The following TECTA variants were observed in gnomAD, a reference collection of about 807,000 sequenced individuals.
TECTA encodes tectorin alpha.
Under a neutral mutation model 216.8 loss-of-function variants are expected in TECTA, and 128 were observed. The observed-to-expected ratio is 0.59, with a 90% confidence interval of 0.51 to 0.68. The LOEUF (loss-of-function observed/expected upper bound fraction) is 0.68. TECTA is among the 30% of genes least tolerant of loss of function. The probability of loss-of-function intolerance (pLI) is 0.00; values close to 1 mark genes in which losing one functional copy is unlikely to be tolerated. For synonymous variants in TECTA, 1,089 were observed against 1,117.1 expected (o/e 0.97, Z 0.50); for missense variants, 2,551 against 2,786.2 (o/e 0.92, Z 1.90).
intron 16 of TECTA, 54 bp from the exon 17 acceptor site, chr11:121,165,219 G>C: frequency 6.6e-7 from 1 of 1,512,264 alleles, no homozygotes. Context: ...AAAAGCTACC[G>C]CATGTAGGTG....
chr11:121,168,007 T>C (rs367589125), intron 18 of TECTA, 47 bp from the exon 19 acceptor site: 1 of 1,610,352 alleles, frequency 6.2e-7, no homozygotes, highest in Non-Finnish European at 8.5e-7. Context: ...GCAAGCTACA[T>C]ACTCACTCCC....
intron 11 of TECTA, among the ~76,000 whole-genome samples, chr11:121,143,684 C>A (rs1182552552): frequency 6.6e-6 from 1 of 152,212 alleles, no homozygotes; most frequent in African/African-American, 2.4e-5. Flanking sequence ...TGTATGAATT[C>A]TGCCTCAACA....
At chr11:121,109,003 A>T (rs1233308417) in intron 3 of TECTA, among the ~76,000 whole-genome samples, 9 of 152,240 alleles carry the variant, frequency 5.9e-5, no homozygotes, top group Admixed American at 5.2e-4. Flanking sequence ...GCTGGTTACA[A>T]ATCTAATGTG....
intron 20 of TECTA, among the ~76,000 whole-genome samples, chr11:121,171,183 G>T (rs1341988849): frequency 2.6e-5 from 4 of 152,124 alleles, no homozygotes; most frequent in Non-Finnish European, 4.4e-5. Context: ...TTTGAAGAGA[G>T]CATCCTTTCC....
rs75984112 is a variant in TECTA at position 121,151,336 on chromosome 11, A to G, written c.4106-1545A>G. The stretch of plus-strand genomic sequence containing the variant: ...ACAGATGCCCTTACTCATGAGGGCA[A>G]AGGTATACATACAGGGATGTTCACT... On this transcript the variant is annotated intron_variant, in intron 12 of 23. Coordinates refer to ENST00000392793, the MANE Select transcript of TECTA (RefSeq NM_005422.4). 2.3e-3 allele frequency among the ~76,000 whole-genome samples: 358 copies of G among 152,368 alleles called. 1 individual carries two copies. The highest frequency in any genetic ancestry group is 7.9e-3 in the African/African-American group (327 of 41,586).
chr11:121,125,503 C>T lies in TECTA; in HGVS notation c.1405C>T (p.Leu469=), dbSNP rs367896204. ...CTGTGGAAACTATAATAAAAACCCA[C>T]TGGATGACTTCCTCCGCCCGGATGG... ...GLCGNYNKNP[L]DDFLRPDGRP... The change falls in exon 8 of 24, where the codon CTG becomes TTG. Residue 469 remains leucine (L), a synonymous_variant. Coordinates refer to ENST00000392793, the MANE Select transcript of TECTA (RefSeq NM_005422.4). 6.2e-7 allele frequency: 1 copy of T among 1,614,218 alleles called. No homozygotes were observed. Among genetic ancestry groups the T allele is most frequent in the Non-Finnish European group, 8.5e-7 (1 of 1,180,046 alleles).
chr11:121,148,697 T>C (rs1287808609), intron 12 of TECTA, among the ~76,000 whole-genome samples: 1 of 152,234 alleles, frequency 6.6e-6, no homozygotes, highest in Non-Finnish European at 1.5e-5. Flanking sequence ...GGGGTTAACC[T>C]AGAACTGCCC....
At chr11:121,150,626 C>A (rs1407581517) in intron 12 of TECTA, among the ~76,000 whole-genome samples, 2 of 149,834 alleles carry the variant, frequency 1.3e-5, no homozygotes, top group Non-Finnish European at 3.0e-5. Context: ...TATGACATAC[C>A]ACAAAGGCCT....
intron 11 of TECTA, 57 bp downstream of exon 11, chr11:121,138,079 C>A: frequency 1.2e-6 from 2 of 1,609,112 alleles, no homozygotes; most frequent in South Asian, 2.2e-5. Context: ...AGGATGGGGT[C>A]GGCAAGCCAG....
At chr11:121,121,972 A>G (rs1426900539) in intron 7 of TECTA, among the ~76,000 whole-genome samples, 1 of 152,160 alleles carries the variant, frequency 6.6e-6, no homozygotes, top group African/African-American at 2.4e-5. Context: ...TTAGGGTAGG[A>G]AAAGCCATAT....
intron 10 of TECTA, among the ~76,000 whole-genome samples, chr11:121,132,702 G>A (rs181316955): frequency 3.9e-5 from 6 of 152,088 alleles, no homozygotes; most frequent in South Asian, 2.1e-4. Context: ...GTCCAATACC[G>A]CAGAGTTTTC....
chr11:121,162,977 A>G (rs1049922747), intron 16 of TECTA, among the ~76,000 whole-genome samples: 5 of 152,238 alleles, frequency 3.3e-5, no homozygotes, highest in African/African-American at 1.2e-4. Flanking sequence ...TGTTAATCAA[A>G]TAGGAGAACA....
intron 13 of TECTA, among the ~76,000 whole-genome samples, chr11:121,157,157 A>G (rs1946949666): frequency 6.6e-6 from 1 of 152,222 alleles, no homozygotes; most frequent in Non-Finnish European, 1.5e-5. Flanking sequence ...TCTTTGAAGC[A>G]GAGTCTGTAC....
chr11:121,179,353 CTTA>C (rs2134207402), intron 20 of TECTA, among the ~76,000 whole-genome samples: 1 of 152,156 alleles, frequency 6.6e-6, no homozygotes, highest in Non-Finnish European at 1.5e-5. Flanking sequence ...CAAAATTTCT[CTTA>C]TTATTGATTT....
chr11:121,140,707 G>A (rs596882), intron 11 of TECTA, among the ~76,000 whole-genome samples: 3 of 151,882 alleles, frequency 2.0e-5, no homozygotes, highest in Admixed American at 6.6e-5. Context: ...CTCAATGTTC[G>A]TCACCTTGTG....
At chr11:121,143,797 A>AG (rs1946808299) in intron 11 of TECTA, among the ~76,000 whole-genome samples, 1 of 152,228 alleles carries the variant, frequency 6.6e-6, no homozygotes, top group African/African-American at 2.4e-5. Context: ...CAGGTTCCCT[A>AG]GAGCCTGGGA....
chr11:121,190,857 C>A lies in TECTA; in HGVS notation c.*51C>A. The A allele has an allele frequency of 7.3e-7, 1 of 1,376,438 alleles. No homozygotes were observed. The highest frequency in any genetic ancestry group is 2.3e-5 in the East Asian group (1 of 43,036). 85.3% of individuals were successfully genotyped at this position (1,376,438 alleles called of 1,614,324 possible). On this transcript the variant is annotated 3_prime_UTR_variant, in exon 24 of 24. Coordinates refer to ENST00000392793, the MANE Select transcript of TECTA (RefSeq NM_005422.4). ...ACTGTAATTTACTTACTTCAACACC[C>A]TGTAGGATAAAAAGTGTGTGCCCTT... is the stretch of plus-strand genomic sequence containing the variant.
At chr11:121,172,580 G>C (rs1947123011) in intron 20 of TECTA, among the ~76,000 whole-genome samples, 1 of 151,962 alleles carries the variant, frequency 6.6e-6, no homozygotes, top group Admixed American at 6.6e-5. Context: ...TCTTAATCCA[G>C]TCTATCATTG....
At chr11:121,136,901 A>G (rs1030009056) in intron 10 of TECTA, among the ~76,000 whole-genome samples, 1 of 152,236 alleles carries the variant, frequency 6.6e-6, no homozygotes, top group African/African-American at 2.4e-5. Flanking sequence ...GATAAGGTAC[A>G]CAAAAGTGCC....
Sources: gnomAD v4.1 joint callset for allele counts (sites outside exome capture counted in the v4.1 genomes callset) on GRCh38, gnomAD v4.1.1 for gene constraint, MANE v1.5 for transcripts, NCBI Gene and HGNC (gene_info 2026-07-23, HGNC 2026-07-21) for gene names.